Variants in PMAIP1 observed in about 807,000 individuals in gnomAD.
PMAIP1 encodes the protein PMA-induced protein 1.
PMAIP1 carries 3 observed loss-of-function variants against 3.7 expected under a neutral mutation model. That is an observed-to-expected ratio of 0.82 (90% CI 0.37 to 2.12). The LOEUF (loss-of-function observed/expected upper bound fraction) is 2.12, where lower values mean the gene tolerates loss of function less well. Ranked by LOEUF, PMAIP1 falls within the 30% of genes most tolerant of loss-of-function variation. The pLI is 0.06. For missense variants in PMAIP1, 77 were observed against 67.1 expected, an observed-to-expected ratio of 1.15 and a Z score of -0.52; for synonymous variants, 29 against 26.2, an observed-to-expected ratio of 1.11 and a Z score of -0.32.
At chr18:59,901,485 A>G (rs1182463823) in intron 1 of PMAIP1, among the ~76,000 whole-genome samples, 1 of 152,258 alleles carries the variant, frequency 6.6e-6, no homozygotes, top group African/African-American at 2.4e-5. Context: ...CCCATAAAGA[A>G]TAACACCTTA....
intron 1 of PMAIP1, among the ~76,000 whole-genome samples, chr18:59,901,720 C>T (rs1048439847): frequency 2.6e-5 from 4 of 151,884 alleles, no homozygotes; most frequent in Non-Finnish European, 4.4e-5. Flanking sequence ...GAAGTGTACC[C>T]GAAAGACCTC....
chr18:59,901,852 A>G (rs543176346), intron 1 of PMAIP1, among the ~76,000 whole-genome samples: 76 of 152,296 alleles, frequency 5.0e-4, no homozygotes, highest in Admixed American at 9.2e-4. Context: ...TATAAGCATC[A>G]TTTTTCTTAA....
intron 1 of PMAIP1, chr18:59,900,620 A>T (rs771517109): frequency 1.4e-4 from 211 of 1,544,224 alleles, no homozygotes; most frequent in Admixed American, 8.3e-4. Flanking sequence ...TCGCGGCAGA[A>T]GGGGCAGGAG....
Position 59,903,075 on chromosome 18 carries a change from A to G in PMAIP1, c.*322A>G, listed in dbSNP as rs2055784826. On this transcript the variant is annotated 3_prime_UTR_variant, in exon 2 of 2. Coordinates refer to ENST00000316660, the MANE Select transcript of PMAIP1 (RefSeq NM_021127.3). ...AGAATCGTTCTAGTGTTTTTGCCGA[A>G]GATTACCGCTGGCCTACTGTGAAGG... 1.7e-6 allele frequency: 1 copy of G among 572,334 alleles called. No homozygotes were observed. Among genetic ancestry groups the G allele is most frequent in the African/African-American group, 1.9e-5 (1 of 53,508 alleles). The allele number at this position is 572,334 out of a possible 1,614,324, so 35.5% of individuals were successfully genotyped here. A position where few individuals can be genotyped will look rare whatever the true frequency, so the allele number is the denominator to read the frequency against.
rs769507815 is a variant in PMAIP1, at chr18:59,902,735, C to G, written c.147C>G (p.Leu49=). 3.2e-5 allele frequency: 51 copies of G among 1,614,056 alleles called. No individual in the cohort carries two copies. The highest frequency in any genetic ancestry group is 4.2e-5 in the Non-Finnish European group (49 of 1,180,000). The change falls in exon 2 of 2, where the codon CTC becomes CTG. Residue 49 remains leucine, a synonymous_variant. Transcript: ENST00000316660. The part of the protein sequence containing the change: ...RQKLLNLISK[L]FCSGT ...AACTTCTGAATCTGATATCCAAACTCTTCTGCTCAGGAACCTGACTGCATC... is the reference window on the plus strand; with the variant it reads ...AACTTCTGAATCTGATATCCAAACTGTTCTGCTCAGGAACCTGACTGCATC...
In PMAIP1 at chr18:59,903,100, G is replaced by T; in HGVS notation, c.*347G>T. On this transcript the variant is annotated 3_prime_UTR_variant, in exon 2 of 2. Transcript: ENST00000316660. Reference sequence around the variant, plus strand: ...AGATTACCGCTGGCCTACTGTGAAGGGAGATGACCTGTGATTAGACTGGGC... The same window carrying T: ...AGATTACCGCTGGCCTACTGTGAAGTGAGATGACCTGTGATTAGACTGGGC... 1.8e-6 allele frequency: 1 copy of T among 545,282 alleles called. No homozygotes were observed. Among genetic ancestry groups the T allele is most frequent in the Non-Finnish European group, 3.3e-6 (1 of 305,188 alleles). 33.8% of individuals were successfully genotyped at this position (545,282 alleles called of 1,614,324 possible).
chr18:59,902,988 G>A lies in PMAIP1; in HGVS notation c.*235G>A. 1 of 648,746 alleles carries A rather than the reference G, an allele frequency of 1.5e-6. No homozygotes were observed. Among genetic ancestry groups the A allele is most frequent in the Non-Finnish European group, 2.7e-6 (1 of 372,274 alleles). The allele number at this position is 648,746 out of a possible 1,614,324, so 40.2% of individuals were successfully genotyped here. ...ATAAAACCACTTTGTTTATTTTAAA[G>A]CAAGAATGGAAGACCCTTGAAAATA... On this transcript the variant is annotated 3_prime_UTR_variant, in exon 2 of 2. Coordinates refer to ENST00000316660, the MANE Select transcript of PMAIP1 (RefSeq NM_021127.3).
rs77732188 is a variant in PMAIP1, at chr18:59,903,171, G to C, written c.*418G>C. The C allele has an allele frequency of 2.8e-6, 1 of 363,550 alleles. No homozygotes were observed. Among genetic ancestry groups the C allele is most frequent in the African/African-American group, 2.1e-5 (1 of 48,604 alleles). 22.5% of individuals were successfully genotyped at this position (363,550 alleles called of 1,614,324 possible). On this transcript the variant is annotated 3_prime_UTR_variant, in exon 2 of 2. Coordinates refer to ENST00000316660, the MANE Select transcript of PMAIP1 (RefSeq NM_021127.3). ...GTGCATTGTTGTTGTTGCTGTTTTT[G>C]GTGTTTTGCTTTTCAGTGCCAACTC...
Position 59,900,083 on chromosome 18 carries a change from G to A in PMAIP1, c.-95G>A. On this transcript the variant is annotated 5_prime_UTR_variant, in exon 1 of 2. The change creates a new upstream start codon in the 5' untranslated region. Transcript: ENST00000316660. ...AGCATCCCTGCCTGCAGGACTGTTC[G>A]TGTTCAGCTCGCGTCCTGCAGCTGT... 7.4e-7 allele frequency: 1 copy of A among 1,357,282 alleles called. No individual in the cohort carries two copies. The allele number at this position is 1,357,282 out of a possible 1,614,324, so 84.1% of individuals were successfully genotyped here.
Position 59,904,231 on chromosome 18 carries a change from T to A in PMAIP1, c.*1478T>A, listed in dbSNP as rs1294922887. 6.6e-6 allele frequency: 1 copy of A among 152,210 alleles called. No homozygotes were observed. Among genetic ancestry groups the A allele is most frequent in the Non-Finnish European group, 1.5e-5 (1 of 68,026 alleles). The allele number at this position is 152,210 out of a possible 1,614,324, so 9.4% of individuals were successfully genotyped here. ...ATTTTACCATCTGGTATTTATGGTCTAATTTGTATTTAAACATATGCACAC... is the reference window on the plus strand; with the variant it reads ...ATTTTACCATCTGGTATTTATGGTCAAATTTGTATTTAAACATATGCACAC... On this transcript the variant is annotated 3_prime_UTR_variant, in exon 2 of 2. Transcript: ENST00000316660.
Position 59,900,692 on chromosome 18 carries a change from T to C in PMAIP1, c.58+457T>C, listed in dbSNP as rs186640408. 761 of 1,070,012 alleles carry C rather than the reference T, an allele frequency of 7.1e-4. 3 individuals are homozygous for C. In the African/African-American group the frequency reaches 0.011, roughly 16 times the overall value. The allele number at this position is 1,070,012 out of a possible 1,614,324, so 66.3% of individuals were successfully genotyped here. Reference sequence around the variant, plus strand: ...AGAGACGGCCCCACAAGGGCCCCTGTGTTCAGGAGCCTAGAAAATCTTGTA... The same window carrying C: ...AGAGACGGCCCCACAAGGGCCCCTGCGTTCAGGAGCCTAGAAAATCTTGTA... On this transcript the variant is annotated intron_variant, in intron 1 of 1. Transcript: ENST00000316660.
chr18:59,900,376 T>C (rs1243183324), intron 1 of PMAIP1, 141 bp downstream of exon 1: 28 of 1,544,964 alleles, frequency 1.8e-5, no homozygotes, highest in African/African-American at 2.7e-5. Context: ...GTCTGTGCCC[T>C]GGCGCGAGCC....
Position 59,902,764 on chromosome 18 carries a change from AAC to A in PMAIP1, c.*12_*13del. 6.2e-7 allele frequency: 1 copy of A among 1,614,142 alleles called. No homozygotes were observed. ...TGCTCAGGAACCTGACTGCATCAAA[AAC>A]TTGCATGAGGGGACTCCTTCAAAAG... On this transcript the variant is annotated 3_prime_UTR_variant, in exon 2 of 2. Coordinates refer to ENST00000316660, the MANE Select transcript of PMAIP1 (RefSeq NM_021127.3).
Position 59,900,643 on chromosome 18 carries a change from AC to A in PMAIP1, c.58+410del, listed in dbSNP as rs2055758500. 11 of 1,512,894 alleles carry A rather than the reference AC, an allele frequency of 7.3e-6. No homozygotes were observed. The South Asian group carries it at 1.2e-4, about 17-fold the overall frequency. The allele number at this position is 1,512,894 out of a possible 1,614,324, so 93.7% of individuals were successfully genotyped here. ...GAAGGGGCAGGAGAGAGCCCCGGGG[AC>A]CGCCTGGACTCCCAGCGCTTCCAGA... On this transcript the variant is annotated intron_variant, in intron 1 of 1. Coordinates refer to ENST00000316660, the MANE Select transcript of PMAIP1 (RefSeq NM_021127.3).
rs1238090843 is a variant in PMAIP1, at chr18:59,903,764, A to C, written c.*1011A>C. ...TAAAAAAAAGGAACAGTTAGTTCTC[A>C]TCTAGAATGAAAGTTCCATATATGC... On this transcript the variant is annotated 3_prime_UTR_variant, in exon 2 of 2. Transcript: ENST00000316660. 1 of 152,166 alleles carries C rather than the reference A, an allele frequency of 6.6e-6. No individual in the cohort carries two copies. The highest frequency in any genetic ancestry group is 1.5e-5 in the Non-Finnish European group (1 of 68,010). The allele number at this position is 152,166 out of a possible 1,614,324, so 9.4% of individuals were successfully genotyped here.
In PMAIP1 at chr18:59,902,771, A is replaced by C; in HGVS notation, c.*18A>C. Reference sequence around the variant, plus strand: ...GAACCTGACTGCATCAAAAACTTGCATGAGGGGACTCCTTCAAAAGAGTTT... The same window carrying C: ...GAACCTGACTGCATCAAAAACTTGCCTGAGGGGACTCCTTCAAAAGAGTTT... On this transcript the variant is annotated 3_prime_UTR_variant, in exon 2 of 2. Coordinates refer to ENST00000316660, the MANE Select transcript of PMAIP1 (RefSeq NM_021127.3). The C allele has an allele frequency of 1.9e-6, 3 of 1,614,154 alleles. No homozygotes were observed. The highest frequency in any genetic ancestry group is 2.5e-6 in the Non-Finnish European group (3 of 1,180,006).
At chr18:59,900,648 C>T in intron 1 of PMAIP1, 1 of 1,507,782 alleles carries the variant, frequency 6.6e-7, no homozygotes, top group Non-Finnish European at 8.9e-7. Flanking sequence ...CGGGGACCGC[C>T]TGGACTCCCA....
Position 59,904,204 on chromosome 18 carries a change from C to G in PMAIP1, c.*1451C>G, listed in dbSNP as rs965194626. ...GTTTTTTTTTTCAGCCTAGAGGCAG[C>G]TATTTTACCATCTGGTATTTATGGT... On this transcript the variant is annotated 3_prime_UTR_variant, in exon 2 of 2. Coordinates refer to ENST00000316660, the MANE Select transcript of PMAIP1 (RefSeq NM_021127.3). The G allele has an allele frequency of 6.6e-6, 1 of 151,876 alleles. No individual in the cohort carries two copies. The allele number at this position is 151,876 out of a possible 1,614,324, so 9.4% of individuals were successfully genotyped here.
rs3826598 is a variant in PMAIP1 at position 59,903,296 on chromosome 18, G to A, written c.*543G>A. The A allele has an allele frequency of 0.013, 2,061 of 163,240 alleles. 52 individuals carry two copies. Among genetic ancestry groups the A allele is most frequent in the East Asian group, 0.075 (434 of 5,768 alleles). 10.1% of individuals were successfully genotyped at this position (163,240 alleles called of 1,614,324 possible). Reference sequence around the variant, plus strand: ...TGTTATACTCAGTGTTGATTTCTTCGGTCACTACACAACGTAAAATCATTT... The same window carrying A: ...TGTTATACTCAGTGTTGATTTCTTCAGTCACTACACAACGTAAAATCATTT... On this transcript the variant is annotated 3_prime_UTR_variant, in exon 2 of 2. Transcript: ENST00000316660.
Sources: gnomAD v4.1 joint callset for allele counts (sites outside exome capture counted in the v4.1 genomes callset) on GRCh38, gnomAD v4.1.1 for gene constraint, MANE v1.5 for transcripts, NCBI Gene and HGNC (gene_info 2026-07-23, HGNC 2026-07-21) for gene names.